Variants in POU6F2 observed in about 807,000 individuals in gnomAD.
POU6F2 encodes the protein POU class 6 homeobox 2, also known as POU domain, class 6, transcription factor 2.
In POU6F2, 31 loss-of-function variants were observed where a neutral mutation model predicts 71.3. That is an observed-to-expected ratio of 0.43 (90% CI 0.33 to 0.59). POU6F2 has a LOEUF of 0.59. Among genes scored for constraint, POU6F2 ranks in the 20% least tolerant of loss-of-function variants. The probability of loss-of-function intolerance (pLI) is 0.04; values close to 1 mark genes in which losing one functional copy is unlikely to be tolerated. For synonymous variants in POU6F2, 347 were observed against 355.7 expected (o/e 0.98, Z 0.27); for missense variants, 783 against 856.8 (o/e 0.91, Z 1.07).
intron 4 of POU6F2, among the ~76,000 whole-genome samples, chr7:39,330,847 T>G (rs1785630968): frequency 6.6e-6 from 1 of 152,188 alleles, no homozygotes; most frequent in Admixed American, 6.5e-5. Context: ...TGTTACCCAG[T>G]CACCCTACTG....
chr7:39,419,656 A>G (rs1007159136), intron 6 of POU6F2, among the ~76,000 whole-genome samples: 39 of 152,196 alleles, frequency 2.6e-4, no homozygotes, highest in Non-Finnish European at 5.4e-4. Flanking sequence ...ACTCACTTCA[A>G]TTGTTTTAAC....
chr7:39,116,289 G>T (rs1283724212), intron 2 of POU6F2, among the ~76,000 whole-genome samples: 1 of 152,158 alleles, frequency 6.6e-6, no homozygotes, highest in Non-Finnish European at 1.5e-5. Flanking sequence ...GGAGACTGAG[G>T]TGGGAGGATC....
intron 1 of POU6F2, among the ~76,000 whole-genome samples, chr7:39,036,565 A>G (rs1213195231): frequency 6.6e-6 from 1 of 152,038 alleles, no homozygotes; most frequent in African/African-American, 2.4e-5. Flanking sequence ...TTTAAAAATA[A>G]GAGGAAGGGG....
intron 6 of POU6F2, among the ~76,000 whole-genome samples, chr7:39,418,256 C>A (rs747793670): frequency 1.3e-5 from 2 of 152,200 alleles, no homozygotes; most frequent in East Asian, 1.9e-4. Context: ...GTAATAAAAT[C>A]TGTGGCCTGA....
intron 4 of POU6F2, among the ~76,000 whole-genome samples, chr7:39,311,433 T>C (rs1785163321): frequency 6.6e-6 from 1 of 152,214 alleles, no homozygotes; most frequent in Admixed American, 6.5e-5. Flanking sequence ...TACCTACTTA[T>C]GAAGCTCATT....
intron 4 of POU6F2, among the ~76,000 whole-genome samples, chr7:39,327,264 G>A (rs1354053667): frequency 2.1e-5 from 3 of 146,100 alleles, no homozygotes; most frequent in Non-Finnish European, 4.5e-5. Flanking sequence ...GGGTGACAGA[G>A]GGAGACTCTG....
chr7:39,092,818 G>C (rs1463141310), intron 2 of POU6F2, among the ~76,000 whole-genome samples: 1 of 152,166 alleles, frequency 6.6e-6, no homozygotes, highest in Non-Finnish European at 1.5e-5. Flanking sequence ...AGCCCTTTTA[G>C]TGTGAATGCA....
intron 7 of POU6F2, among the ~76,000 whole-genome samples, chr7:39,438,612 C>T (rs1289396303): frequency 6.6e-6 from 1 of 152,190 alleles, no homozygotes; most frequent in Admixed American, 6.5e-5. Context: ...GTTGGTGGGA[C>T]TGTAAACTAG....
At chr7:39,134,210 G>A (rs1448422226) in intron 2 of POU6F2, among the ~76,000 whole-genome samples, 1 of 152,118 alleles carries the variant, frequency 6.6e-6, no homozygotes, top group East Asian at 1.9e-4. Flanking sequence ...TTATGTTACA[G>A]TGGACAGAAA....
At chr7:39,270,635 C>T (rs1328801044) in intron 4 of POU6F2, among the ~76,000 whole-genome samples, 2 of 152,150 alleles carry the variant, frequency 1.3e-5, no homozygotes, top group Admixed American at 1.3e-4. Context: ...CAGCCTAAAC[C>T]TGGATCTTGT....
intron 6 of POU6F2, among the ~76,000 whole-genome samples, chr7:39,415,874 C>A (rs2024101): frequency 0.36 from 55,101 of 151,894 alleles, 10,227 homozygotes; most frequent in East Asian, 0.63. Flanking sequence ...TTAAGTGACT[C>A]CCTGGGATAA....
chr7:39,312,317 T>G (rs1785181469), intron 4 of POU6F2, among the ~76,000 whole-genome samples: 1 of 152,232 alleles, frequency 6.6e-6, no homozygotes, highest in South Asian at 2.1e-4. Flanking sequence ...TAAAGGTTAG[T>G]TATTCAGGCA....
At chr7:39,091,770 C>G (rs139026527) in intron 2 of POU6F2, among the ~76,000 whole-genome samples, 305 of 152,308 alleles carry the variant, frequency 2.0e-3, no homozygotes, top group African/African-American at 6.3e-3. Context: ...CTAGCATTCC[C>G]CTTCTCAAGA....
intron 4 of POU6F2, among the ~76,000 whole-genome samples, chr7:39,293,112 T>C (rs549570450): frequency 1.4e-4 from 22 of 152,166 alleles, no homozygotes; most frequent in Non-Finnish European, 2.6e-4. Flanking sequence ...TACACTTTGC[T>C]GTTAGCCGCT....
chr7:39,051,406 G>A (rs1790397308), intron 1 of POU6F2, among the ~76,000 whole-genome samples: 2 of 152,094 alleles, frequency 1.3e-5, no homozygotes, highest in South Asian at 4.1e-4. Flanking sequence ...GCTGGTGAGG[G>A]CTAATGCTCG....
intron 1 of POU6F2, among the ~76,000 whole-genome samples, chr7:38,998,891 C>T (rs111348083): frequency 0.018 from 2,701 of 148,832 alleles, 36 homozygotes; most frequent in Admixed American, 0.03. Context: ...GTCTCGATCT[C>T]CTAACTTCAT....
chr7:39,142,102 C>CAA (rs563366624), intron 2 of POU6F2, among the ~76,000 whole-genome samples: 8 of 145,464 alleles, frequency 5.5e-5, no homozygotes, highest in Non-Finnish European at 9.1e-5. Flanking sequence ...AAACAACAAC[C>CAA]AAAAAAAAAA....
chr7:39,429,450 G>A (rs1360718251), intron 6 of POU6F2, among the ~76,000 whole-genome samples: 1 of 152,086 alleles, frequency 6.6e-6, no homozygotes, highest in East Asian at 1.9e-4. Context: ...AACTCATTTG[G>A]TGCTCATCAT....
intron 2 of POU6F2, among the ~76,000 whole-genome samples, chr7:39,152,665 C>T (rs1443410403): frequency 6.6e-6 from 1 of 152,128 alleles, no homozygotes; most frequent in African/African-American, 2.4e-5. Flanking sequence ...AGCTCTCCAT[C>T]CATTAGATCG....
Sources: gnomAD v4.1 joint callset for allele counts (sites outside exome capture counted in the v4.1 genomes callset) on GRCh38, gnomAD v4.1.1 for gene constraint, MANE v1.5 for transcripts, NCBI Gene and HGNC (gene_info 2026-07-23, HGNC 2026-07-21) for gene names.